Variants in PPM1E observed in about 807,000 individuals in gnomAD.
The protein encoded by PPM1E is protein phosphatase, Mg2+/Mn2+ dependent 1E, also known as protein phosphatase 1E.
In PPM1E, 20 loss-of-function variants were observed where a neutral mutation model predicts 65.9. The ratio of observed to expected loss-of-function variants is 0.30; its 90% CI spans 0.21 to 0.44. PPM1E has a LOEUF of 0.44. Ranked by LOEUF, PPM1E falls within the 20% of genes least tolerant of loss-of-function variation. The pLI, the probability that PPM1E is intolerant of heterozygous loss-of-function variation, is 1.00. For missense variants in PPM1E, 713 were observed against 953.1 expected (o/e 0.75, Z 3.32); for synonymous variants, 352 against 374.9 (o/e 0.94, Z 0.70).
chr17:58,804,302 A>G (rs2050285051), intron 1 of PPM1E, among the ~76,000 whole-genome samples: 1 of 152,172 alleles, frequency 6.6e-6, no homozygotes, highest in Non-Finnish European at 1.5e-5. Flanking sequence ...AAACTTTTTA[A>G]TGTTTTCATC....
chr17:58,824,266 T>C (rs968692810), intron 1 of PPM1E, among the ~76,000 whole-genome samples: 2 of 152,174 alleles, frequency 1.3e-5, no homozygotes, highest in Non-Finnish European at 2.9e-5. Flanking sequence ...AAAAAATCTG[T>C]AGGTTGTCCT....
chr17:58,906,549 T>G (rs2051560404), intron 1 of PPM1E, among the ~76,000 whole-genome samples: 1 of 152,058 alleles, frequency 6.6e-6, no homozygotes, highest in South Asian at 2.1e-4. Flanking sequence ...TGTTGGCCAC[T>G]CTGGTCTTAA....
chr17:58,952,155 G>A (rs563362372), intron 1 of PPM1E, among the ~76,000 whole-genome samples: 2 of 152,356 alleles, frequency 1.3e-5, no homozygotes, highest in East Asian at 3.9e-4. Context: ...TAGGCTGTTA[G>A]AGTTTATGGC....
intron 1 of PPM1E, among the ~76,000 whole-genome samples, chr17:58,874,884 CAG>C (rs990353198): frequency 5.9e-5 from 9 of 152,036 alleles, no homozygotes; most frequent in South Asian, 2.1e-4. Context: ...AATTTTCAAA[CAG>C]AAATATTTTA....
At chr17:58,776,669 T>G (rs970408991) in intron 1 of PPM1E, among the ~76,000 whole-genome samples, 3 of 152,222 alleles carry the variant, frequency 2.0e-5, no homozygotes, top group Non-Finnish European at 2.9e-5. Flanking sequence ...TGAAAATGAT[T>G]AACCACATTG....
At chr17:58,934,615 A>G (rs2051951347) in intron 1 of PPM1E, among the ~76,000 whole-genome samples, 1 of 152,172 alleles carries the variant, frequency 6.6e-6, no homozygotes. Flanking sequence ...AGCAATGGAG[A>G]CATAAACAGT....
At chr17:58,838,765 C>A (rs1007111441) in intron 1 of PPM1E, among the ~76,000 whole-genome samples, 1 of 152,162 alleles carries the variant, frequency 6.6e-6, no homozygotes, top group Non-Finnish European at 1.5e-5. Flanking sequence ...TGCCCCCAAA[C>A]TGGATGCAAC....
At chr17:58,954,174 C>T (rs1037927513) in intron 1 of PPM1E, among the ~76,000 whole-genome samples, 1 of 152,186 alleles carries the variant, frequency 6.6e-6, no homozygotes, top group Non-Finnish European at 1.5e-5. Context: ...TTGCTCAGAC[C>T]AAAACCCAGG....
chr17:58,923,340 G>A (rs1389479635), intron 1 of PPM1E, among the ~76,000 whole-genome samples: 1 of 149,622 alleles, frequency 6.7e-6, no homozygotes, highest in African/African-American at 2.5e-5. Context: ...GATAAATGAT[G>A]TGGTGGCACC....
chr17:58,799,483 C>T (rs2143044817), intron 1 of PPM1E, among the ~76,000 whole-genome samples: 1 of 152,222 alleles, frequency 6.6e-6, no homozygotes, highest in East Asian at 1.9e-4. Context: ...TGCTCTGTCA[C>T]CCAGGCTGGA....
chr17:58,904,577 A>G (rs527483254), intron 1 of PPM1E, among the ~76,000 whole-genome samples: 15 of 152,282 alleles, frequency 9.9e-5, no homozygotes, highest in Non-Finnish European at 1.8e-4. Context: ...GTTGTGTTGA[A>G]TTTATAGATC....
rs1305937233 is a variant in PPM1E, at chr17:58,984,020, C to T, written c.*2989C>T. ...ATGAGGTTAGGCAACATTACAGCAA[C>T]ACACACTGGGGCTATTAATCCCATT... On this transcript the variant is annotated 3_prime_UTR_variant, in exon 7 of 7. Transcript: ENST00000308249. 4 of 152,616 alleles carry T rather than the reference C, an allele frequency of 2.6e-5. No homozygotes were observed. Among genetic ancestry groups the T allele is most frequent in the Non-Finnish European group, 4.4e-5 (3 of 68,022 alleles). 9.5% of individuals were successfully genotyped at this position (152,616 alleles called of 1,614,324 possible). A position where few individuals can be genotyped will look rare whatever the true frequency, so the allele number is the denominator to read the frequency against.
chr17:58,958,040 G>T (rs1407720086), intron 2 of PPM1E, among the ~76,000 whole-genome samples: 1 of 152,078 alleles, frequency 6.6e-6, no homozygotes. Context: ...CCACTTGGGA[G>T]GCTGAGGTAG....
chr17:58,766,120 T>C (rs1001460831), intron 1 of PPM1E, among the ~76,000 whole-genome samples: 3 of 151,232 alleles, frequency 2.0e-5, no homozygotes, highest in African/African-American at 7.3e-5. Flanking sequence ...CCTCAGGTCA[T>C]CCACCCTACT....
chr17:58,850,256 G>A (rs1313310680), intron 1 of PPM1E, among the ~76,000 whole-genome samples: 1 of 152,048 alleles, frequency 6.6e-6, no homozygotes, highest in African/African-American at 2.4e-5. Context: ...TCTTTTAATT[G>A]GAGCATTTAG....
rs151202445 is a variant in PPM1E at position 58,909,666 on chromosome 17, T to C, written c.465-45983T>C. On this transcript the variant is annotated intron_variant, in intron 1 of 6. Transcript: ENST00000308249. The stretch of plus-strand genomic sequence containing the variant: ...GCATGGTTTCTGAGGAAAAGATAGA[T>C]ACAATTCTTCTCTTTGCTCCTCTGT... Among the ~76,000 whole-genome samples the C allele has an allele frequency of 6.2e-4, 94 of 152,326 alleles. 1 individual carries two copies. Among genetic ancestry groups the C allele is most frequent in the Middle Eastern group, 3.4e-3 (1 of 294 alleles).
chr17:58,931,851 C>G (rs1034451286), intron 1 of PPM1E, among the ~76,000 whole-genome samples: 12 of 152,162 alleles, frequency 7.9e-5, no homozygotes, highest in African/African-American at 2.7e-4. Context: ...GCCAGCCAAA[C>G]AAGTGATAAA....
At chr17:58,910,904 A>G (rs1037808089) in intron 1 of PPM1E, among the ~76,000 whole-genome samples, 1 of 152,174 alleles carries the variant, frequency 6.6e-6, no homozygotes, top group African/African-American at 2.4e-5. Context: ...CCGCATTTCA[A>G]CATGGTTCCT....
At chr17:58,776,840 A>G (rs1455412526) in intron 1 of PPM1E, among the ~76,000 whole-genome samples, 2 of 152,186 alleles carry the variant, frequency 1.3e-5, no homozygotes, top group Non-Finnish European at 2.9e-5. Context: ...GAAGAAGAGA[A>G]CTAAATTAGA....
Sources: gnomAD v4.1 joint callset for allele counts (sites outside exome capture counted in the v4.1 genomes callset) on GRCh38, gnomAD v4.1.1 for gene constraint, MANE v1.5 for transcripts, NCBI Gene and HGNC (gene_info 2026-07-23, HGNC 2026-07-21) for gene names.